The following FILIP1L variants were observed in gnomAD, a reference collection of about 807,000 sequenced individuals.
The protein encoded by FILIP1L is filamin A-interacting protein 1-like.
Under a neutral mutation model 96.6 loss-of-function variants are expected in FILIP1L, and 55 were observed. The observed-to-expected ratio is 0.57, with a 90% CI of 0.46 to 0.71. The LOEUF (loss-of-function observed/expected upper bound fraction) is 0.71. Ranked by LOEUF, FILIP1L falls within the 30% of genes least tolerant of loss-of-function variation. The pLI is 0.00. For synonymous variants in FILIP1L, 467 were observed against 473.9 expected, an observed-to-expected ratio of 0.99 and a Z score of 0.19; for missense variants, 1,304 against 1,321.2, an observed-to-expected ratio of 0.99 and a Z score of 0.20.
chr3:100,070,102 C>T lies in FILIP1L; in HGVS notation c.-11+43951G>A, dbSNP rs141745971. 4.5e-3 allele frequency among the ~76,000 whole-genome samples: 690 copies of T among 152,172 alleles called. 7 individuals carry two copies. Among genetic ancestry groups the T allele is most frequent in the African/African-American group, 0.016 (668 of 41,510 alleles). ...TGTCATAAGGTATGCAGAAAGAGGC[C>T]GTGGATTTGGACAGTGATACCAAAC... On this transcript the variant is annotated intron_variant, in intron 1 of 5. Transcript: ENST00000477258.
intron 1 of FILIP1L, among the ~76,000 whole-genome samples, chr3:99,951,259 A>G (rs1009061923): frequency 6.6e-6 from 1 of 152,148 alleles, no homozygotes; most frequent in African/African-American, 2.4e-5. Context: ...ACACTCTAGT[A>G]GCACTAAGAC....
intron 1 of FILIP1L, among the ~76,000 whole-genome samples, chr3:100,098,642 A>C (rs1034854585): frequency 6.6e-6 from 1 of 152,186 alleles, no homozygotes; most frequent in Non-Finnish European, 1.5e-5. Flanking sequence ...TCCCTACTGG[A>C]GTATAAGTAC....
intron 4 of FILIP1L, among the ~76,000 whole-genome samples, chr3:99,914,418 GT>G: frequency 1.3e-5 from 2 of 152,268 alleles, no homozygotes; most frequent in South Asian, 4.1e-4. Flanking sequence ...CTTTAAGTGT[GT>G]TTTTGATATG....
At chr3:99,853,928 A>C (rs1424896478) in intron 4 of FILIP1L, among the ~76,000 whole-genome samples, 7 of 152,348 alleles carry the variant, frequency 4.6e-5, no homozygotes, top group Admixed American at 2.0e-4. Context: ...AACTGAGAGC[A>C]GGAGGCCCTG....
At chr3:100,099,508 T>C (rs1175078397) in intron 1 of FILIP1L, among the ~76,000 whole-genome samples, 1 of 152,176 alleles carries the variant, frequency 6.6e-6, no homozygotes. Context: ...CTCTAGGTGA[T>C]ATAAAAGTAT....
At chr3:99,971,138 C>T (rs1027227552) in intron 1 of FILIP1L, among the ~76,000 whole-genome samples, 14 of 152,108 alleles carry the variant, frequency 9.2e-5, no homozygotes, top group South Asian at 2.1e-4. Context: ...GAGATCGAGA[C>T]CATCCTGGCT....
At chr3:100,052,149 G>A (rs754671831) in intron 1 of FILIP1L, among the ~76,000 whole-genome samples, 17 of 152,090 alleles carry the variant, frequency 1.1e-4, no homozygotes, top group Non-Finnish European at 2.5e-4. Context: ...GAACTGACTA[G>A]GACCCCATGA....
At chr3:99,992,462 GTCT>G in intron 1 of FILIP1L, among the ~76,000 whole-genome samples, 1 of 152,074 alleles carries the variant, frequency 6.6e-6, no homozygotes, top group South Asian at 2.1e-4. Flanking sequence ...CTGCTTGTAT[GTCT>G]TCTTTTGAAA....
chr3:99,848,125 CAGTT>C, intron 5 of FILIP1L, 166 bp downstream of exon 5: 1 of 1,472,864 alleles, frequency 6.8e-7, no homozygotes, highest in Non-Finnish European at 9.0e-7. Context: ...ATGCAGGCAA[CAGTT>C]AGTTTCAGAT....
intron 3 of FILIP1L, among the ~76,000 whole-genome samples, chr3:99,928,967 A>G (rs1707383957): frequency 1.3e-5 from 2 of 152,234 alleles, no homozygotes; most frequent in Admixed American, 6.5e-5. Context: ...TTCTCTCATG[A>G]GATACTAAAG....
In FILIP1L at chr3:99,957,444, A is replaced by G. The variant is rs2107696964; in HGVS notation, c.-10-26414T>C. On this transcript the variant is annotated intron_variant, in intron 1 of 5. Transcript: ENST00000477258. Reference sequence around the variant, plus strand: ...CTAACACAAAATTATGTATCTACACATATGTGTGTATATATATATAGAGAG... The same window carrying G: ...CTAACACAAAATTATGTATCTACACGTATGTGTGTATATATATATAGAGAG... Among the ~76,000 whole-genome samples, 2 of 148,790 alleles carry G rather than the reference A, an allele frequency of 1.3e-5. 1 individual carries two copies. The highest frequency in any genetic ancestry group is 4.2e-4 in the South Asian group (2 of 4,748).
At chr3:100,111,741 C>T (rs916697391) in intron 1 of FILIP1L, among the ~76,000 whole-genome samples, 4 of 152,104 alleles carry the variant, frequency 2.6e-5, no homozygotes, top group Admixed American at 6.5e-5. Context: ...TCTGAAGAAC[C>T]AGATGGTATT....
chr3:99,966,385 A>G (rs1306299852), intron 1 of FILIP1L, among the ~76,000 whole-genome samples: 1 of 152,094 alleles, frequency 6.6e-6, no homozygotes, highest in African/African-American at 2.4e-5. Context: ...CCTTCCAGAA[A>G]ATTGATGGAT....
intron 1 of FILIP1L, among the ~76,000 whole-genome samples, chr3:99,948,778 G>A (rs1352686107): frequency 2.0e-5 from 3 of 149,790 alleles, no homozygotes; most frequent in African/African-American, 7.5e-5. Flanking sequence ...AAGAAAAAGA[G>A]AAAGGAAAGA....
chr3:99,960,021 C>T (rs1484014143), intron 1 of FILIP1L, among the ~76,000 whole-genome samples: 1 of 152,008 alleles, frequency 6.6e-6, no homozygotes. Flanking sequence ...TCCTTTCCTG[C>T]CTCCCTCCTT....
rs867288557 is a variant in FILIP1L at position 100,017,738 on chromosome 3, A to G, written c.-10-86708T>C. Among the ~76,000 whole-genome samples the G allele has an allele frequency of 2.5e-4, 38 of 152,184 alleles. No homozygotes were observed. The Middle Eastern group carries it at 0.027, about 109-fold the overall frequency. ...CCAGGAGTTCAAAACCAGCCGAGGC[A>G]ACAAAGTGAGACACTGTCTCTAAAA... On this transcript the variant is annotated intron_variant, in intron 1 of 5. Transcript: ENST00000477258.
chr3:99,837,632 T>G (rs1031175773), intron 5 of FILIP1L, among the ~76,000 whole-genome samples: 10 of 152,228 alleles, frequency 6.6e-5, no homozygotes, highest in Non-Finnish European at 2.9e-5. Flanking sequence ...TTTACAGTTT[T>G]GTACTCCTGA....
At chr3:99,926,140 CATGTACTTGACTAGAA>C (rs1307894740) in intron 3 of FILIP1L, among the ~76,000 whole-genome samples, 2 of 152,216 alleles carry the variant, frequency 1.3e-5, no homozygotes, top group Admixed American at 6.5e-5. Flanking sequence ...TCCTAAAAAG[CATGTACTTGACTAGAA>C]ATGTACTTGA....
chr3:99,854,106 T>A (rs1559660739), intron 4 of FILIP1L, among the ~76,000 whole-genome samples: 2 of 152,208 alleles, frequency 1.3e-5, no homozygotes, highest in Non-Finnish European at 2.9e-5. Flanking sequence ...ATTTCTTGCC[T>A]TGTATCCAGG....
Sources: gnomAD v4.1 joint callset for allele counts (sites outside exome capture counted in the v4.1 genomes callset) on GRCh38, gnomAD v4.1.1 for gene constraint, MANE v1.5 for transcripts, NCBI Gene and HGNC (gene_info 2026-07-23, HGNC 2026-07-21) for gene names.